The following CLEC16A variants were observed in gnomAD, a reference collection of about 807,000 sequenced individuals.
CLEC16A encodes the protein C-type lectin domain containing 16A.
A neutral mutation model predicts 109.5 loss-of-function variants in CLEC16A; 51 were observed. That is an observed-to-expected ratio of 0.47 (90% CI 0.37 to 0.59). The LOEUF (loss-of-function observed/expected upper bound fraction) is 0.59, where lower values mean the gene tolerates loss of function less well. Among genes scored for constraint, CLEC16A ranks in the 20% least tolerant of loss-of-function variants. The probability of loss-of-function intolerance (pLI) is 0.00; values close to 1 mark genes in which losing one functional copy is unlikely to be tolerated. For synonymous variants in CLEC16A, 673 were observed against 564.2 expected (o/e 1.19, Z -2.73); for missense variants, 1,339 against 1,394.0 (o/e 0.96, Z 0.63).
chr16:11,052,738 C>T (rs1182683024), intron 18 of CLEC16A, among the ~76,000 whole-genome samples: 2 of 152,166 alleles, frequency 1.3e-5, no homozygotes, highest in African/African-American at 2.4e-5. Context: ...TGTGTTGCTT[C>T]ATGATGCTGA....
At chr16:11,063,938 G>C (rs866156971) in intron 19 of CLEC16A, among the ~76,000 whole-genome samples, 3 of 151,538 alleles carry the variant, frequency 2.0e-5, no homozygotes, top group Admixed American at 6.6e-5. Context: ...GGAAGGGAGG[G>C]AGGGAAGTGG....
At chr16:11,030,165 C>T (rs2046655297) in intron 13 of CLEC16A, among the ~76,000 whole-genome samples, 1 of 152,180 alleles carries the variant, frequency 6.6e-6, no homozygotes, top group East Asian at 1.9e-4. Flanking sequence ...TGGACTATTA[C>T]AAACAAAGCT....
intron 13 of CLEC16A, among the ~76,000 whole-genome samples, chr16:11,035,816 G>A (rs972490449): frequency 2.0e-5 from 3 of 152,166 alleles, no homozygotes; most frequent in Admixed American, 2.0e-4. Context: ...GTTGTTGTTT[G>A]TTTGTTTTGA....
At position 10,961,897 on chromosome 16, in the gene CLEC16A, A is replaced by G. The variant is rs549142382; in HGVS notation, c.210-558A>G. ...ATGGGTTTGTCTCACTTTTCTCATG[A>G]TTAAACTGGCAGTTAAGGGGAAGAA... On this transcript the variant is annotated intron_variant, in intron 2 of 23. Transcript: ENST00000409790. This position sits in a 1 kb window ranked among gnomAD's most constrained non-coding sequence, Gnocchi z 4.3. 2.4e-4 allele frequency among the ~76,000 whole-genome samples: 37 copies of G among 152,066 alleles called. No individual in the cohort carries two copies. Among genetic ancestry groups the G allele is most frequent in the Non-Finnish European group, 4.4e-4 (30 of 68,006 alleles).
At chr16:11,088,872 A>G (rs2050153045) in intron 19 of CLEC16A, among the ~76,000 whole-genome samples, 1 of 152,218 alleles carries the variant, frequency 6.6e-6, no homozygotes, top group Non-Finnish European at 1.5e-5. Flanking sequence ...TTAAAGGCAT[A>G]CTTGTTAGGC....
rs150971161 is a variant in CLEC16A at position 11,071,219 on chromosome 16, C to G, written c.2116+10197C>G. 4.5e-4 allele frequency: 69 copies of G among 152,276 alleles called. 1 individual carries two copies. Among genetic ancestry groups the G allele is most frequent in the East Asian group, 1.4e-3 (7 of 5,184 alleles). 9.4% of individuals were successfully genotyped at this position (152,276 alleles called of 1,614,324 possible). A position where few individuals can be genotyped will look rare whatever the true frequency, so the allele number is the denominator to read the frequency against. On this transcript the variant is annotated intron_variant, in intron 19 of 23. Transcript: ENST00000409790. ...GTAAAACCAGTACTAGTTTTGTGGTCCTGTCAGTTCTGGAAAATTCTCTGT... is the reference window on the plus strand; with the variant it reads ...GTAAAACCAGTACTAGTTTTGTGGTGCTGTCAGTTCTGGAAAATTCTCTGT...
At chr16:11,118,518 G>A (rs1467621620) in intron 19 of CLEC16A, among the ~76,000 whole-genome samples, 1 of 152,180 alleles carries the variant, frequency 6.6e-6, no homozygotes, top group Non-Finnish European at 1.5e-5. Flanking sequence ...ATTCTGTCAT[G>A]GCTCAGGGGA....
chr16:11,153,937 C>G (rs78967792), intron 22 of CLEC16A, among the ~76,000 whole-genome samples: 3,912 of 152,200 alleles, frequency 0.026, 185 homozygotes, highest in African/African-American at 0.09. Flanking sequence ...TAATAAGTCC[C>G]CTTTTTGTGG....
At chr16:11,049,142 G>A (rs535199216) in intron 17 of CLEC16A, among the ~76,000 whole-genome samples, 2 of 152,074 alleles carry the variant, frequency 1.3e-5, no homozygotes, top group Admixed American at 6.5e-5. Context: ...CGAGTAGCTG[G>A]GATTACAGGC....
At chr16:11,132,514 G>A (rs1291758048) in intron 22 of CLEC16A, among the ~76,000 whole-genome samples, 3 of 152,088 alleles carry the variant, frequency 2.0e-5, no homozygotes, top group African/African-American at 2.4e-5. Context: ...GGGTTGCTGC[G>A]AACATTCGTG....
At chr16:10,989,908 TCAGCCGAGTC>T (rs1429027559) in intron 10 of CLEC16A, among the ~76,000 whole-genome samples, 1 of 152,202 alleles carries the variant, frequency 6.6e-6, no homozygotes, top group Admixed American at 6.5e-5. Context: ...GTATCCGATG[TCAGCCGAGTC>T]TCCCGTGTGC....
At chr16:10,969,545 A>G (rs2042678697) in intron 4 of CLEC16A, among the ~76,000 whole-genome samples, 1 of 152,182 alleles carries the variant, frequency 6.6e-6, no homozygotes, top group Admixed American at 6.5e-5. Context: ...ACAGGGTCTT[A>G]CTATGTTTCC....
intron 18 of CLEC16A, chr16:11,056,906 ATGT>A (rs1287992182): frequency 6.6e-6 from 1 of 152,102 alleles, no homozygotes; most frequent in Non-Finnish European, 1.5e-5. Context: ...GAAGTTTTTC[ATGT>A]TGTCACAGTT....
chr16:11,015,083 TA>T (rs900982165), intron 11 of CLEC16A, among the ~76,000 whole-genome samples: 1 of 152,176 alleles, frequency 6.6e-6, no homozygotes, highest in African/African-American at 2.4e-5. Context: ...GTTGTTTCAG[TA>T]CCTATAAGGG....
At chr16:11,014,858 G>A (rs367999503) in intron 11 of CLEC16A, among the ~76,000 whole-genome samples, 2 of 152,206 alleles carry the variant, frequency 1.3e-5, no homozygotes, top group Admixed American at 6.5e-5. Flanking sequence ...GCACAGAACC[G>A]TGCCAACTTC....
At chr16:11,162,388 C>G (rs1241431809) in intron 22 of CLEC16A, among the ~76,000 whole-genome samples, 1 of 152,214 alleles carries the variant, frequency 6.6e-6, no homozygotes, top group Non-Finnish European at 1.5e-5. Context: ...TTGAGTCTAT[C>G]CAGTTCCCAG....
Position 11,123,966 on chromosome 16 carries a change from C to A in CLEC16A, c.2473+20C>A. 6.3e-7 allele frequency: 1 copy of A among 1,576,150 alleles called. No homozygotes were observed. Among genetic ancestry groups the A allele is most frequent in the Non-Finnish European group, 8.6e-7 (1 of 1,161,088 alleles). On this transcript the variant is annotated intron_variant, in intron 21 of 23. Transcript: ENST00000409790. ...TAGCTGGTGAGTGGCTGGACCCTGG[C>A]AGGGCATCCTCTGAGCACTTGGTGG...
At chr16:11,126,487 A>G (rs1332294752) in intron 22 of CLEC16A, 1 of 1,048,160 alleles carries the variant, frequency 9.5e-7, no homozygotes, top group African/African-American at 1.6e-5. Context: ...TCTCCATGTA[A>G]GATGACTAGA....
rs1164408580 is a variant in CLEC16A at position 11,174,412 on chromosome 16, C to G, written c.2807-3923C>G. The G allele has an allele frequency of 8.5e-6, 3 of 354,116 alleles. No homozygotes were observed. Among genetic ancestry groups the G allele is most frequent in the South Asian group, 4.1e-5 (2 of 48,972 alleles). The allele number at this position is 354,116 out of a possible 1,614,324, so 21.9% of individuals were successfully genotyped here. A position where few individuals can be genotyped will look rare whatever the true frequency, so the allele number is the denominator to read the frequency against. ...AGAGCCATTTGCCAAGGCGGCACTT[C>G]CCCATTTTCCCCCAAAGTTGGTTCT... On this transcript the variant is annotated intron_variant, in intron 23 of 23. Coordinates refer to ENST00000409790, the MANE Select transcript of CLEC16A (RefSeq NM_015226.3). The surrounding 1 kb of genome is among the most constrained non-coding windows in gnomAD (Gnocchi z 4.7).
Sources: gnomAD v4.1 joint callset for allele counts (sites outside exome capture counted in the v4.1 genomes callset) on GRCh38, gnomAD v4.1.1 for gene constraint, Gnocchi (gnomAD v3.1) non-coding constraint, MANE v1.5 for transcripts, NCBI Gene and HGNC (gene_info 2026-07-23, HGNC 2026-07-21) for gene names.